Variants in TRPC4AP observed in about 807,000 individuals in gnomAD.
The protein encoded by TRPC4AP is transient receptor potential cation channel subfamily C member 4 associated protein.
TRPC4AP carries 45 observed loss-of-function variants against 99.0 expected under a neutral mutation model. The ratio of observed to expected loss-of-function variants is 0.45; its 90% CI spans 0.36 to 0.58. TRPC4AP has a LOEUF of 0.58. Ranked by LOEUF, TRPC4AP falls within the 20% of genes least tolerant of loss-of-function variation. TRPC4AP has a pLI of 0.00. For synonymous variants in TRPC4AP, 408 were observed against 385.8 expected (o/e 1.06, Z -0.67); for missense variants, 879 against 985.3 (o/e 0.89, Z 1.44).
intron 16 of TRPC4AP, 150 bp from the exon 17 acceptor site, chr20:35,004,720 G>A (rs940435674): frequency 3.0e-6 from 2 of 659,348 alleles, no homozygotes. Context: ...GTGGCAGAAA[G>A]AAGGACCTCC....
chr20:35,010,065 G>C, intron 12 of TRPC4AP, 122 bp downstream of exon 12: 1 of 741,328 alleles, frequency 1.3e-6, no homozygotes, highest in South Asian at 1.7e-5. Flanking sequence ...GGAGCCCTCA[G>C]GACACTGTAG....
At chr20:35,088,433 A>T (rs1346381658) in intron 1 of TRPC4AP, among the ~76,000 whole-genome samples, 1 of 152,220 alleles carries the variant, frequency 6.6e-6, no homozygotes, top group Non-Finnish European at 1.5e-5. Context: ...CAATTTAAGC[A>T]ATTTCCTGAA....
rs1297690024 is a variant in TRPC4AP, at chr20:35,006,424, G to C, written c.1827+11C>G. 1 of 1,613,774 alleles carries C rather than the reference G, an allele frequency of 6.2e-7. No individual in the cohort carries two copies. The highest frequency in any genetic ancestry group is 1.1e-5 in the South Asian group (1 of 91,016). On this transcript the variant is annotated intron_variant, in intron 15 of 18. Coordinates refer to ENST00000252015, the MANE Select transcript of TRPC4AP (RefSeq NM_015638.3). ...CCCAGCACACTCCACAGAGCCCTGG[G>C]TTAACTTTACCTTTGCATCGGTGTT...
In TRPC4AP at chr20:35,006,595, G is replaced by A. The variant is rs114786577; in HGVS notation, c.1687-20C>T. 3 of 1,609,724 alleles carry A rather than the reference G, an allele frequency of 1.9e-6. No homozygotes were observed. The highest frequency in any genetic ancestry group is 2.5e-6 in the Non-Finnish European group (3 of 1,176,770). On this transcript the variant is annotated intron_variant, in intron 14 of 18. Coordinates refer to ENST00000252015, the MANE Select transcript of TRPC4AP (RefSeq NM_015638.3). ...GATGTGCTGGGTGAGGAGGGACAGG[G>A]TGAAGGTGTCAACGTGGCTGCCCCC...
intron 8 of TRPC4AP, among the ~76,000 whole-genome samples, chr20:35,027,617 T>A (rs1181260126): frequency 6.6e-6 from 1 of 152,220 alleles, no homozygotes. Flanking sequence ...TTGAAACATT[T>A]GGTAGAATTA....
At chr20:35,059,038 G>A (rs2889873) in intron 3 of TRPC4AP, among the ~76,000 whole-genome samples, 12,511 of 152,040 alleles carry the variant, frequency 0.082, 597 homozygotes, top group South Asian at 0.13. Context: ...TTAAGACACT[G>A]GAAAAAGAGC....
chr20:35,080,323 A>C (rs1237310332), intron 1 of TRPC4AP, among the ~76,000 whole-genome samples: 1 of 151,700 alleles, frequency 6.6e-6, no homozygotes, highest in Non-Finnish European at 1.5e-5. Context: ...CAACATGGCG[A>C]AACCCCACCT....
chr20:35,003,350 C>T, intron 18 of TRPC4AP, 60 bp downstream of exon 18: 2 of 1,612,952 alleles, frequency 1.2e-6, no homozygotes, highest in Non-Finnish European at 1.7e-6. Context: ...CCGGGACACC[C>T]CTCTGAGAGG....
chr20:35,084,600 G>A (rs1378313046), intron 1 of TRPC4AP, among the ~76,000 whole-genome samples: 4 of 109,034 alleles, frequency 3.7e-5, no homozygotes, highest in Admixed American at 9.5e-5. Context: ...ATGCATATAT[G>A]TGTATATGTA....
At chr20:35,069,683 G>C (rs955281528) in intron 2 of TRPC4AP, among the ~76,000 whole-genome samples, 1 of 152,182 alleles carries the variant, frequency 6.6e-6, no homozygotes, top group Non-Finnish European at 1.5e-5. Flanking sequence ...GCTCACACCT[G>C]TAATCCCAGC....
intron 3 of TRPC4AP, among the ~76,000 whole-genome samples, chr20:35,057,977 TG>T (rs2083881739): frequency 6.6e-6 from 1 of 152,210 alleles, no homozygotes; most frequent in African/African-American, 2.4e-5. Context: ...TCTACAGGTT[TG>T]GGGGTTATAT....
At chr20:35,041,811 G>GC (rs1389692650) in intron 7 of TRPC4AP, among the ~76,000 whole-genome samples, 1 of 152,180 alleles carries the variant, frequency 6.6e-6, no homozygotes, top group Non-Finnish European at 1.5e-5. Flanking sequence ...AACCTTTCTA[G>GC]CCCTCAGTTT....
chr20:35,032,153 G>A (rs2083209658), intron 8 of TRPC4AP, among the ~76,000 whole-genome samples: 1 of 150,212 alleles, frequency 6.7e-6, no homozygotes, highest in South Asian at 2.2e-4. Context: ...GCCTCCCAAA[G>A]TGCTGGGATT....
Position 35,003,078 on chromosome 20 carries a change from A to T in TRPC4AP, c.*68T>A. 1 of 1,592,780 alleles carries T rather than the reference A, an allele frequency of 6.3e-7. No individual in the cohort carries two copies. On this transcript the variant is annotated 3_prime_UTR_variant, in exon 19 of 19. Coordinates refer to ENST00000252015, the MANE Select transcript of TRPC4AP (RefSeq NM_015638.3). ...CAGCAGGGAGGAACGGGAACAGGGC[A>T]GGGCGTGTGGCATCGTACCCACGCT...
chr20:35,084,511 CGTATATATGT>C (rs1465410058), intron 1 of TRPC4AP, among the ~76,000 whole-genome samples: 4 of 135,390 alleles, frequency 3.0e-5, no homozygotes, highest in Admixed American at 7.4e-5. Context: ...TATGTATATA[CGTATATATGT>C]GTATATATGT....
At chr20:35,042,084 T>C (rs192576015) in intron 7 of TRPC4AP, among the ~76,000 whole-genome samples, 3 of 152,234 alleles carry the variant, frequency 2.0e-5, no homozygotes, top group Admixed American at 1.3e-4. Flanking sequence ...CATATGTATA[T>C]ATGTGCCATG....
At chr20:35,043,489 C>T (rs2083488039) in intron 7 of TRPC4AP, among the ~76,000 whole-genome samples, 1 of 152,136 alleles carries the variant, frequency 6.6e-6, no homozygotes. Flanking sequence ...TCAAGTGATC[C>T]TCCTGCCTCG....
chr20:35,002,421 T>G lies in TRPC4AP; in HGVS notation c.*725A>C. 1 of 421,304 alleles carries G rather than the reference T, an allele frequency of 2.4e-6. No individual in the cohort carries two copies. Among genetic ancestry groups the G allele is most frequent in the Non-Finnish European group, 4.1e-6 (1 of 241,732 alleles). The allele number at this position is 421,304 out of a possible 1,614,324, so 26.1% of individuals were successfully genotyped here. ...CACAGCAGTCATTTTTAAAATAAAG[T>G]TATTTAATAGTCTCCATTTAATTGG... is the stretch of plus-strand genomic sequence containing the variant. On this transcript the variant is annotated 3_prime_UTR_variant, in exon 19 of 19. Coordinates refer to ENST00000252015, the MANE Select transcript of TRPC4AP (RefSeq NM_015638.3).
At chr20:35,063,226 A>T (rs1367797946) in intron 3 of TRPC4AP, among the ~76,000 whole-genome samples, 3 of 152,158 alleles carry the variant, frequency 2.0e-5, no homozygotes. Context: ...TTCTGCCATG[A>T]TTGTGAGTTT....
Sources: allele counts gnomAD v4.1 joint callset (sites outside exome capture counted in the v4.1 genomes callset), GRCh38; gene constraint gnomAD v4.1.1; transcripts MANE v1.5; gene names NCBI Gene and HGNC (gene_info 2026-07-23, HGNC 2026-07-21).